Variants in WDR64 observed in about 807,000 individuals in gnomAD.
WDR64 encodes the protein WD repeat-containing protein 64.
A neutral mutation model predicts 139.3 loss-of-function variants in WDR64; 112 were observed. The observed-to-expected ratio is 0.80, with a 90% CI of 0.69 to 0.94. The LOEUF (loss-of-function observed/expected upper bound fraction) is 0.94, where lower values mean the gene tolerates loss of function less well. WDR64 is among the 40% of genes least tolerant of loss of function. WDR64 has a pLI of 0.00. For synonymous variants in WDR64, 444 were observed against 437.7 expected (o/e 1.01, Z -0.18); for missense variants, 1,206 against 1,293.1 (o/e 0.93, Z 1.03).
intron 15 of WDR64, among the ~76,000 whole-genome samples, chr1:241,761,313 T>C (rs913015669): frequency 1.3e-5 from 2 of 152,140 alleles, no homozygotes; most frequent in Non-Finnish European, 2.9e-5. Context: ...AATAGTGAAA[T>C]AATAATTGGC....
rs578078309 is a variant in WDR64, at chr1:241,749,599, G to A, written c.1647G>A (p.Pro549=). The A allele has an allele frequency of 1.9e-5, 30 of 1,614,064 alleles. No homozygotes were observed. The highest frequency in any genetic ancestry group is 1.8e-4 in the Admixed American group (11 of 60,014). The change falls in exon 14 of 28, where the codon CCG becomes CCA. Residue 549 remains proline, a synonymous_variant. Coordinates refer to ENST00000437684, the MANE Select transcript of WDR64 (RefSeq NM_001367482.1). ...FGSGQEMKVL[P]EGKDWKEDEH... ...GTGGGCAGGAGATGAAGGTGTTGCC[G>A]GAGGGGAAAGACTGGAAGGAGGACG...
At chr1:241,748,362 A>T (rs914386173) in intron 13 of WDR64, among the ~76,000 whole-genome samples, 1 of 152,218 alleles carries the variant, frequency 6.6e-6, no homozygotes, top group Non-Finnish European at 1.5e-5. Flanking sequence ...GTTCGAGATC[A>T]AGGCGCTGGC....
At chr1:241,684,732 T>A (rs1029333612) in intron 7 of WDR64, among the ~76,000 whole-genome samples, 4 of 152,142 alleles carry the variant, frequency 2.6e-5, no homozygotes, top group Non-Finnish European at 5.9e-5. Flanking sequence ...AAAATATCAG[T>A]ATGGTTATCA....
chr1:241,798,061 C>T (rs1012954431), intron 27 of WDR64, among the ~76,000 whole-genome samples: 2 of 152,088 alleles, frequency 1.3e-5, no homozygotes, highest in African/African-American at 2.4e-5. Context: ...GACTAATCTA[C>T]ACTCCAATAA....
At chr1:241,734,230 C>T (rs1022759847) in intron 10 of WDR64, among the ~76,000 whole-genome samples, 2 of 152,156 alleles carry the variant, frequency 1.3e-5, no homozygotes, top group Middle Eastern at 6.8e-3. Flanking sequence ...CCGGACTTAA[C>T]CAATGTACAT....
chr1:241,792,259 G>A (rs186019330), intron 25 of WDR64, among the ~76,000 whole-genome samples: 92 of 152,276 alleles, frequency 6.0e-4, no homozygotes, highest in African/African-American at 2.0e-3. Flanking sequence ...TACAGGGGCC[G>A]GGTGCGGTGG....
At chr1:241,770,340 G>A (rs1476075480) in intron 17 of WDR64, 1 of 288,020 alleles carries the variant, frequency 3.5e-6, no homozygotes, top group Admixed American at 5.2e-5. Context: ...AGAGCCTCTG[G>A]GACTAAATCT....
chr1:241,692,097 C>G (rs1387314507), intron 8 of WDR64, among the ~76,000 whole-genome samples: 1 of 150,996 alleles, frequency 6.6e-6, no homozygotes, highest in Non-Finnish European at 1.5e-5. Context: ...AGGTATAAGT[C>G]TAACAAAATA....
intron 22 of WDR64, 118 bp downstream of exon 22, chr1:241,780,180 T>A: frequency 1.2e-6 from 1 of 862,564 alleles, no homozygotes; most frequent in Non-Finnish European, 1.7e-6. Flanking sequence ...AAGGCACATA[T>A]ACTATTGAAA....
chr1:241,652,966 T>A (rs545948221), intron 1 of WDR64, among the ~76,000 whole-genome samples: 58 of 152,366 alleles, frequency 3.8e-4, no homozygotes, highest in African/African-American at 1.3e-3. Context: ...GGATGCTCAG[T>A]AATGTATAGC....
At chr1:241,787,564 C>T (rs950440776) in intron 23 of WDR64, among the ~76,000 whole-genome samples, 6 of 151,026 alleles carry the variant, frequency 4.0e-5, no homozygotes, top group African/African-American at 1.5e-4. Context: ...ACTCGGGAAG[C>T]TGAGGCAGGA....
At chr1:241,789,761 T>C (rs572192735) in intron 24 of WDR64, among the ~76,000 whole-genome samples, 59 of 152,094 alleles carry the variant, frequency 3.9e-4, no homozygotes, top group Admixed American at 2.8e-3. Context: ...AGGGAGAGGA[T>C]CAGGAAAAAT....
At chr1:241,688,471 T>C (rs1667093505) in intron 8 of WDR64, among the ~76,000 whole-genome samples, 2 of 152,238 alleles carry the variant, frequency 1.3e-5, no homozygotes, top group African/African-American at 4.8e-5. Flanking sequence ...CATACCCTAA[T>C]AAAGATGTCT....
At chr1:241,722,856 T>C (rs1668659895) in intron 9 of WDR64, among the ~76,000 whole-genome samples, 1 of 152,102 alleles carries the variant, frequency 6.6e-6, no homozygotes, top group Non-Finnish European at 1.5e-5. Context: ...ATGACAACAG[T>C]TGATTTGTTA....
At chr1:241,679,806 C>T (rs1011366188) in intron 6 of WDR64, among the ~76,000 whole-genome samples, 4 of 152,050 alleles carry the variant, frequency 2.6e-5, no homozygotes, top group Non-Finnish European at 5.9e-5. Flanking sequence ...AGTTCAGTGG[C>T]GGTTGGGTTG....
intron 8 of WDR64, among the ~76,000 whole-genome samples, chr1:241,705,546 A>T (rs371226646): frequency 2.3e-4 from 30 of 130,478 alleles, no homozygotes; most frequent in Middle Eastern, 3.8e-3. Context: ...TGTCTCTAAA[A>T]AAATAAATAA....
chr1:241,679,450 GCATTATATCCCCCAATT>G lies in WDR64; in HGVS notation c.514-33_514-17del. 6.6e-7 allele frequency: 1 copy of G among 1,517,458 alleles called. No homozygotes were observed. Among genetic ancestry groups the G allele is most frequent in the Non-Finnish European group, 9.0e-7 (1 of 1,115,524 alleles). 94.0% of individuals were successfully genotyped at this position (1,517,458 alleles called of 1,614,324 possible). A position where few individuals can be genotyped will look rare whatever the true frequency, so the allele number is the denominator to read the frequency against. The stretch of plus-strand genomic sequence containing the variant: ...CCATCACCAGGTCATTGAAGGAAAT[GCATTATATCCCCCAATT>G]CTCTGCTTTTCTATCAGGACACCTC... On this transcript the variant is annotated intron_variant, in intron 5 of 27. Coordinates refer to ENST00000437684, the MANE Select transcript of WDR64 (RefSeq NM_001367482.1).
At chr1:241,695,772 G>A (rs1459820379) in intron 8 of WDR64, among the ~76,000 whole-genome samples, 4 of 152,052 alleles carry the variant, frequency 2.6e-5, no homozygotes, top group African/African-American at 9.7e-5. Flanking sequence ...TTATACTGGT[G>A]CATTTAATTG....
At chr1:241,704,177 T>C (rs910125868) in intron 8 of WDR64, among the ~76,000 whole-genome samples, 1 of 152,166 alleles carries the variant, frequency 6.6e-6, no homozygotes, top group Non-Finnish European at 1.5e-5. Context: ...CTCACTAAGG[T>C]GTCCTGGCCA....
Sources: allele counts gnomAD v4.1 joint callset (sites outside exome capture counted in the v4.1 genomes callset), GRCh38; gene constraint gnomAD v4.1.1; transcripts MANE v1.5; gene names NCBI Gene and HGNC (gene_info 2026-07-23, HGNC 2026-07-21).